The following KYNU variants were observed in gnomAD, a reference collection of about 807,000 sequenced individuals.
KYNU encodes L-kynurenine hydrolase.
KYNU carries 54 observed loss-of-function variants against 59.2 expected under a neutral mutation model. That is an observed-to-expected ratio of 0.91 (90% CI 0.73 to 1.14). The LOEUF is 1.14. Ranked by LOEUF, KYNU falls within the 50% of genes most tolerant of loss-of-function variation. KYNU has a pLI of 0.00. For missense variants in KYNU, 567 were observed against 554.4 expected (o/e 1.02, Z -0.23); for synonymous variants, 177 against 192.0 (o/e 0.92, Z 0.65).
At chr2:143,027,453 G>T (rs539657995) in intron 10 of KYNU, among the ~76,000 whole-genome samples, 3 of 152,208 alleles carry the variant, frequency 2.0e-5, no homozygotes, top group African/African-American at 4.8e-5. Context: ...AGATTGAGGT[G>T]TTTTTGTTTG....
chr2:142,895,696 A>AT (rs992018138), intron 2 of KYNU, among the ~76,000 whole-genome samples: 21 of 150,996 alleles, frequency 1.4e-4, no homozygotes, highest in Middle Eastern at 3.4e-3. Flanking sequence ...TTTTATTTTT[A>AT]TTTTTTTAGA....
chr2:143,032,723 G>GTGTGTGTGTGTGTGTGTGTGTC (rs1686789629), intron 11 of KYNU, among the ~76,000 whole-genome samples: 1 of 150,656 alleles, frequency 6.6e-6, no homozygotes, highest in South Asian at 2.1e-4. Flanking sequence ...GTGTGTGTGT[G>GTGTGTGTGTGTGTGTGTGTGTC]TGTGTGTGTG....
intron 3 of KYNU, among the ~76,000 whole-genome samples, chr2:142,919,541 G>A (rs899792058): frequency 1.3e-5 from 2 of 152,152 alleles, no homozygotes; most frequent in Non-Finnish European, 2.9e-5. Context: ...GAATTTCAGA[G>A]GAAAAACATT....
intron 10 of KYNU, among the ~76,000 whole-genome samples, chr2:142,990,979 T>C (rs1685383196): frequency 6.6e-6 from 1 of 151,848 alleles, no homozygotes; most frequent in Admixed American, 6.6e-5. Flanking sequence ...GTTGTTACTA[T>C]TTGGCAACAA....
In KYNU at chr2:142,961,389, T is replaced by G. The variant is rs147041576; in HGVS notation, c.729+619T>G. 2.9e-3 allele frequency among the ~76,000 whole-genome samples: 441 copies of G among 151,608 alleles called. 2 individuals are homozygous for G. Among genetic ancestry groups the G allele is most frequent in the Middle Eastern group, 6.8e-3 (2 of 294 alleles). On this transcript the variant is annotated intron_variant, in intron 8 of 13. Coordinates refer to ENST00000264170, the MANE Select transcript of KYNU (RefSeq NM_003937.3). ...CCAGGCAAGCTGTAGGTGATGCCAT[T>G]GGTACTCAGCTGGTCAGTCACCAGG...
chr2:142,916,059 T>C (rs953637639), intron 2 of KYNU, among the ~76,000 whole-genome samples: 8 of 152,028 alleles, frequency 5.3e-5, no homozygotes, highest in African/African-American at 1.9e-4. Flanking sequence ...TCACAGTGCT[T>C]GAAAGTAATC....
At chr2:142,975,236 G>A (rs1310883198) in intron 8 of KYNU, among the ~76,000 whole-genome samples, 2 of 152,120 alleles carry the variant, frequency 1.3e-5, no homozygotes, top group African/African-American at 4.8e-5. Flanking sequence ...TGGCAGAAAA[G>A]GAGAGAAGAA....
intron 4 of KYNU, among the ~76,000 whole-genome samples, chr2:142,952,997 T>C (rs1479053213): frequency 4.6e-5 from 7 of 152,202 alleles, no homozygotes; most frequent in Admixed American, 3.9e-4. Context: ...ATCAAGTTAC[T>C]TTAGATAGTG....
intron 2 of KYNU, among the ~76,000 whole-genome samples, chr2:142,917,354 A>G (rs1489074550): frequency 6.6e-6 from 1 of 152,184 alleles, no homozygotes; most frequent in Non-Finnish European, 1.5e-5. Context: ...GTGTAGAGAA[A>G]GCACAGGAGC....
At chr2:143,033,757 T>A (rs1477218847) in intron 12 of KYNU, among the ~76,000 whole-genome samples, 2 of 152,192 alleles carry the variant, frequency 1.3e-5, no homozygotes, top group East Asian at 3.8e-4. Context: ...GGGACTGTAC[T>A]TTTTCTAGTT....
Position 143,029,680 on chromosome 2 carries a change from G to GT in KYNU, c.955+2dup, listed in dbSNP as rs1183205366. On this transcript the variant is annotated splice_donor_variant, in intron 11 of 13. Transcript: ENST00000264170. LOFTEE classifies it high-confidence loss of function. ...AGCACCAGATTTAAGATGGATAACA[G>GT]TAAGTGTATTTATTTTACCTAATGC... is the stretch of plus-strand genomic sequence containing the variant. 22 of 1,515,482 alleles carry GT rather than the reference G, an allele frequency of 1.5e-5. No individual in the cohort carries two copies. The highest frequency in any genetic ancestry group is 2.2e-5 in the South Asian group (2 of 89,070). The allele number at this position is 1,515,482 out of a possible 1,614,324, so 93.9% of individuals were successfully genotyped here.
intron 12 of KYNU, among the ~76,000 whole-genome samples, chr2:143,034,110 T>A (rs1686829643): frequency 6.6e-6 from 1 of 151,460 alleles, no homozygotes; most frequent in Admixed American, 6.6e-5. Flanking sequence ...TAAAAATATA[T>A]AGGTTATATA....
chr2:143,012,980 CT>C (rs1222747773), intron 10 of KYNU, among the ~76,000 whole-genome samples: 1 of 151,932 alleles, frequency 6.6e-6, no homozygotes, highest in East Asian at 1.9e-4. Flanking sequence ...TTTTTTCTTT[CT>C]TTTTTTCTTA....
intron 2 of KYNU, among the ~76,000 whole-genome samples, chr2:142,888,816 C>T (rs534398710): frequency 5.3e-5 from 8 of 150,138 alleles, no homozygotes; most frequent in Non-Finnish European, 7.4e-5. Flanking sequence ...TCTGTCAGAA[C>T]GGTTCAGAGA....
At chr2:142,970,317 C>A (rs973160751) in intron 8 of KYNU, among the ~76,000 whole-genome samples, 1 of 152,098 alleles carries the variant, frequency 6.6e-6, no homozygotes, top group Non-Finnish European at 1.5e-5. Context: ...TCAAAGGAAG[C>A]AATTTAGAAG....
At chr2:143,034,786 T>C (rs1465382853) in intron 12 of KYNU, among the ~76,000 whole-genome samples, 5 of 152,250 alleles carry the variant, frequency 3.3e-5, no homozygotes, top group African/African-American at 1.2e-4. Flanking sequence ...ATAAAGTTTC[T>C]GCATTCCTTG....
intron 2 of KYNU, among the ~76,000 whole-genome samples, chr2:142,907,570 T>G (rs1258470174): frequency 1.3e-5 from 2 of 151,606 alleles, no homozygotes; most frequent in Non-Finnish European, 2.9e-5. Flanking sequence ...ACAAGAAGAG[T>G]GTGCAGTTGC....
chr2:142,886,878 T>C (rs1034276620), intron 2 of KYNU, among the ~76,000 whole-genome samples: 6 of 152,048 alleles, frequency 3.9e-5, no homozygotes, highest in African/African-American at 1.4e-4. Flanking sequence ...AGTTTAAAAA[T>C]AGCATTGTAC....
At chr2:142,957,779 C>A in intron 7 of KYNU, 64 bp downstream of exon 7, 2 of 1,048,690 alleles carry the variant, frequency 1.9e-6, no homozygotes, top group East Asian at 2.4e-5. Flanking sequence ...TCTTCATTTT[C>A]CTCAAAAGTT....
Sources: allele counts gnomAD v4.1 joint callset (sites outside exome capture counted in the v4.1 genomes callset), GRCh38; gene constraint gnomAD v4.1.1; transcripts MANE v1.5; gene names NCBI Gene and HGNC (gene_info 2026-07-23, HGNC 2026-07-21).